The following TMEM87A variants were observed in gnomAD, a reference collection of about 807,000 sequenced individuals.
TMEM87A encodes Golgi-pH regulating cation channel.
A neutral mutation model predicts 90.0 loss-of-function variants in TMEM87A; 50 were observed. The ratio of observed to expected loss-of-function variants is 0.56; its 90% CI spans 0.44 to 0.70. The LOEUF is 0.70. Among genes scored for constraint, TMEM87A ranks in the 30% least tolerant of loss-of-function variants. TMEM87A has a pLI of 0.00. For missense variants in TMEM87A, 577 were observed against 660.5 expected (o/e 0.87, Z 1.39); for synonymous variants, 226 against 226.7 (o/e 1.00, Z 0.03).
At chr15:42,245,665 C>A (rs535751595) in intron 6 of TMEM87A, among the ~76,000 whole-genome samples, 2 of 151,580 alleles carry the variant, frequency 1.3e-5, no homozygotes, top group South Asian at 2.1e-4. Flanking sequence ...GCTGGGATAA[C>A]AGGTGCATGA....
chr15:42,228,412 ACT>A (rs576698217), intron 13 of TMEM87A, among the ~76,000 whole-genome samples: 145 of 152,312 alleles, frequency 9.5e-4, no homozygotes, highest in African/African-American at 3.2e-3. Context: ...TAAAAGGAGT[ACT>A]CTCTGGCACT....
chr15:42,230,206 T>G (rs960255472), intron 12 of TMEM87A, among the ~76,000 whole-genome samples: 2 of 152,226 alleles, frequency 1.3e-5, no homozygotes, highest in African/African-American at 4.8e-5. Context: ...AGCTGTTACC[T>G]AGTCATTGGG....
intron 10 of TMEM87A, among the ~76,000 whole-genome samples, chr15:42,235,117 C>A (rs1385919797): frequency 6.6e-6 from 1 of 152,210 alleles, no homozygotes; most frequent in Non-Finnish European, 1.5e-5. Context: ...TGGCTCACTG[C>A]AATCTCCGCC....
intron 19 of TMEM87A, 22 bp downstream of exon 19, chr15:42,217,781 T>C (rs750314258): frequency 2.5e-6 from 4 of 1,610,308 alleles, no homozygotes; most frequent in Non-Finnish European, 3.4e-6. Context: ...ACATAATTTA[T>C]GCACGTGAAT....
intron 7 of TMEM87A, among the ~76,000 whole-genome samples, chr15:42,243,083 G>C (rs951526864): frequency 1.3e-5 from 2 of 151,864 alleles, no homozygotes; most frequent in African/African-American, 4.8e-5. Context: ...TGGCTAACAC[G>C]GTGAAACTCC....
intron 6 of TMEM87A, among the ~76,000 whole-genome samples, chr15:42,244,892 C>T (rs1213427073): frequency 6.6e-6 from 1 of 151,290 alleles, no homozygotes; most frequent in African/African-American, 2.4e-5. Context: ...ACCATCTGTT[C>T]TTAAAAGGAG....
chr15:42,228,478 G>A (rs2050633998), intron 13 of TMEM87A, among the ~76,000 whole-genome samples: 1 of 152,146 alleles, frequency 6.6e-6, no homozygotes, highest in South Asian at 2.1e-4. Flanking sequence ...GCAAATAGAA[G>A]AGGGATAAAT....
intron 19 of TMEM87A, among the ~76,000 whole-genome samples, chr15:42,213,893 A>T (rs2050337337): frequency 6.6e-6 from 1 of 152,208 alleles, no homozygotes; most frequent in Non-Finnish European, 1.5e-5. Flanking sequence ...TCTGGAAACC[A>T]ACCCCAGTGA....
intron 19 of TMEM87A, among the ~76,000 whole-genome samples, chr15:42,212,475 T>C (rs2050307703): frequency 6.6e-6 from 1 of 152,206 alleles, no homozygotes; most frequent in South Asian, 2.1e-4. Context: ...ATGCTCTCTG[T>C]TCTCCACTCC....
chr15:42,233,501 T>C (rs763566418), intron 10 of TMEM87A, among the ~76,000 whole-genome samples, 195 bp from the exon 11 acceptor site: 6 of 152,210 alleles, frequency 3.9e-5, no homozygotes, highest in Non-Finnish European at 7.3e-5. Context: ...ACTTGAGATC[T>C]TGTGTCTGGT....
chr15:42,233,351 G>T, intron 10 of TMEM87A, 45 bp from the exon 11 acceptor site: 2 of 1,430,740 alleles, frequency 1.4e-6, no homozygotes, highest in Non-Finnish European at 9.8e-7. Flanking sequence ...TGGGACAAAT[G>T]CCGAAACAAG....
intron 3 of TMEM87A, among the ~76,000 whole-genome samples, chr15:42,267,141 T>G (rs1458130001): frequency 3.3e-5 from 5 of 152,220 alleles, no homozygotes; most frequent in African/African-American, 9.6e-5. Flanking sequence ...GGGCAGGGTA[T>G]AGTTATAAAC....
At chr15:42,222,558 G>A (rs1484625651) in intron 15 of TMEM87A, among the ~76,000 whole-genome samples, 1 of 150,862 alleles carries the variant, frequency 6.6e-6, no homozygotes, top group Non-Finnish European at 1.5e-5. Context: ...CATCTTGATT[G>A]TGATTTTTTT....
chr15:42,251,674 G>A (rs914732195), intron 6 of TMEM87A, among the ~76,000 whole-genome samples: 42 of 152,200 alleles, frequency 2.8e-4, no homozygotes, highest in African/African-American at 9.4e-4. Context: ...CTACTGGGAG[G>A]TGTCTCCCAG....
chr15:42,219,705 CG>C (rs1351599461), intron 16 of TMEM87A, 63 bp from the exon 17 acceptor site: 2 of 1,128,496 alleles, frequency 1.8e-6, no homozygotes, highest in East Asian at 5.2e-5. Flanking sequence ...GTTGGCAAAA[CG>C]GATTCAGAAC....
chr15:42,267,397 ATATCCTCAGT>A (rs1483561095), intron 3 of TMEM87A, among the ~76,000 whole-genome samples: 2 of 152,226 alleles, frequency 1.3e-5, no homozygotes, highest in African/African-American at 4.8e-5. Context: ...TCAAAAAAGA[ATATCCTCAGT>A]TATCTGAAAA....
intron 7 of TMEM87A, among the ~76,000 whole-genome samples, chr15:42,240,095 T>C (rs1196015813): frequency 1.3e-5 from 2 of 152,214 alleles, no homozygotes; most frequent in Non-Finnish European, 2.9e-5. Context: ...ACATACTTCA[T>C]ATATACTTTT....
chr15:42,229,659 GCA>G (rs1055768669), intron 12 of TMEM87A, among the ~76,000 whole-genome samples: 1 of 152,068 alleles, frequency 6.6e-6, no homozygotes, highest in Non-Finnish European at 1.5e-5. Context: ...TCAGTTGCCT[GCA>G]CTATCCTGAA....
intron 11 of TMEM87A, chr15:42,231,929 A>T: frequency 8.0e-7 from 1 of 1,251,962 alleles, no homozygotes; most frequent in South Asian, 1.3e-5. Flanking sequence ...TAGCAACAGC[A>T]GAAGAAAGAA....
Sources: allele counts gnomAD v4.1 joint callset (sites outside exome capture counted in the v4.1 genomes callset), GRCh38; gene constraint gnomAD v4.1.1; transcripts MANE v1.5; gene names NCBI Gene and HGNC (gene_info 2026-07-23, HGNC 2026-07-21).